The following MOB3B variants were observed in gnomAD, a reference collection of about 807,000 sequenced individuals.
MOB3B encodes the protein MOB kinase activator-like 2B.
MOB3B carries 7 observed loss-of-function variants against 18.7 expected under a neutral mutation model. The ratio of observed to expected loss-of-function variants is 0.37; its 90% CI spans 0.21 to 0.70. The LOEUF is 0.70. Ranked by LOEUF, MOB3B falls within the 30% of genes least tolerant of loss-of-function variation. MOB3B has a pLI of 0.52. For synonymous variants in MOB3B, 111 were observed against 99.9 expected (o/e 1.11, Z -0.66); for missense variants, 253 against 281.3 (o/e 0.90, Z 0.72).
chr9:27,331,783 A>T (rs1246943959), intron 3 of MOB3B, among the ~76,000 whole-genome samples: 1 of 152,180 alleles, frequency 6.6e-6, no homozygotes, highest in African/African-American at 2.4e-5. Flanking sequence ...CATCTCTTGC[A>T]TACTGACCTG....
At chr9:27,397,942 T>G (rs1563858667) in intron 2 of MOB3B, among the ~76,000 whole-genome samples, 1 of 152,214 alleles carries the variant, frequency 6.6e-6, no homozygotes, top group South Asian at 2.1e-4. Context: ...TCTCTAGACA[T>G]GGCCAGATGT....
chr9:27,479,305 C>A (rs1205430050), intron 1 of MOB3B, among the ~76,000 whole-genome samples: 1 of 152,146 alleles, frequency 6.6e-6, no homozygotes, highest in Non-Finnish European at 1.5e-5. Flanking sequence ...ACTCCTACTA[C>A]AATGAACTTA....
intron 1 of MOB3B, among the ~76,000 whole-genome samples, chr9:27,468,087 T>A (rs917784338): frequency 3.3e-5 from 5 of 152,212 alleles, no homozygotes; most frequent in African/African-American, 9.6e-5. Flanking sequence ...AGAACTCTGT[T>A]TAAGACATAA....
intron 2 of MOB3B, among the ~76,000 whole-genome samples, chr9:27,382,478 C>T (rs945968518): frequency 6.6e-6 from 1 of 152,078 alleles, no homozygotes; most frequent in Admixed American, 6.6e-5. Flanking sequence ...AGGGCCAATC[C>T]TTCTCCAACC....
intron 2 of MOB3B, among the ~76,000 whole-genome samples, chr9:27,368,449 G>A (rs922977934): frequency 3.3e-5 from 5 of 152,054 alleles, no homozygotes; most frequent in Non-Finnish European, 7.4e-5. Context: ...ATTCAGCTGC[G>A]AGGATTGATT....
At chr9:27,331,051 G>A (rs1056010058) in intron 3 of MOB3B, among the ~76,000 whole-genome samples, 2 of 152,172 alleles carry the variant, frequency 1.3e-5, no homozygotes, top group Non-Finnish European at 2.9e-5. Context: ...TTTTCTTCGA[G>A]TAGGGAAAGA....
At chr9:27,478,221 T>A (rs550410668) in intron 1 of MOB3B, among the ~76,000 whole-genome samples, 13 of 152,278 alleles carry the variant, frequency 8.5e-5, no homozygotes, top group Middle Eastern at 6.8e-3. Flanking sequence ...AATATTTTCA[T>A]AACTCAGGAC....
chr9:27,507,374 A>G (rs997042371), intron 1 of MOB3B, among the ~76,000 whole-genome samples: 13 of 152,096 alleles, frequency 8.5e-5, no homozygotes, highest in African/African-American at 3.1e-4. Context: ...TGTTATTGTC[A>G]TATTGTGCAC....
intron 3 of MOB3B, among the ~76,000 whole-genome samples, chr9:27,356,602 G>T (rs976609428): frequency 1.3e-5 from 2 of 152,152 alleles, no homozygotes; most frequent in Non-Finnish European, 2.9e-5. Context: ...CAGCTCTGTC[G>T]TGGTGTTTCT....
chr9:27,475,510 C>G (rs775154788), intron 1 of MOB3B, among the ~76,000 whole-genome samples: 2 of 152,230 alleles, frequency 1.3e-5, no homozygotes, highest in Non-Finnish European at 2.9e-5. Flanking sequence ...TCATTGATAA[C>G]TAGTATAATC....
At chr9:27,525,139 G>A (rs147054294) in intron 1 of MOB3B, among the ~76,000 whole-genome samples, 26 of 152,168 alleles carry the variant, frequency 1.7e-4, no homozygotes, top group African/African-American at 6.0e-4. Context: ...ACCATCCTCA[G>A]GGTGACCAAG....
intron 1 of MOB3B, among the ~76,000 whole-genome samples, chr9:27,474,426 G>C (rs979304501): frequency 6.6e-6 from 1 of 152,140 alleles, no homozygotes; most frequent in African/African-American, 2.4e-5. Context: ...CCTTATACCA[G>C]AGATTACTTT....
intron 1 of MOB3B, among the ~76,000 whole-genome samples, chr9:27,465,893 T>C (rs1819376271): frequency 6.6e-6 from 1 of 152,154 alleles, no homozygotes; most frequent in African/African-American, 2.4e-5. Context: ...ACGGGGATCC[T>C]GGGACCGGCC....
At chr9:27,416,085 G>A (rs1822142908) in intron 2 of MOB3B, among the ~76,000 whole-genome samples, 1 of 152,146 alleles carries the variant, frequency 6.6e-6, no homozygotes, top group African/African-American at 2.4e-5. Context: ...TGTATTTGGG[G>A]TTAATACAAT....
At chr9:27,460,333 A>G (rs971333883) in intron 1 of MOB3B, among the ~76,000 whole-genome samples, 29 of 152,352 alleles carry the variant, frequency 1.9e-4, no homozygotes, top group African/African-American at 6.0e-4. Context: ...TTTTCTGCCT[A>G]ATAGATCAAT....
intron 2 of MOB3B, among the ~76,000 whole-genome samples, chr9:27,409,598 T>C (rs1429908472): frequency 1.3e-5 from 2 of 151,986 alleles, no homozygotes; most frequent in East Asian, 3.9e-4. Context: ...CCCAAAGGAA[T>C]TGAAAAGCAA....
chr9:27,522,929 T>TATATATATA (rs60042853), intron 1 of MOB3B, among the ~76,000 whole-genome samples: 3 of 151,202 alleles, frequency 2.0e-5, no homozygotes, highest in African/African-American at 7.3e-5. Flanking sequence ...ATATATATAT[T>TATATATATA]TTTTTCCGTA....
intron 3 of MOB3B, among the ~76,000 whole-genome samples, chr9:27,343,337 C>CGGAA (rs1317844720): frequency 6.6e-6 from 1 of 151,344 alleles, no homozygotes; most frequent in Non-Finnish European, 1.5e-5. Flanking sequence ...ACAAACACTG[C>CGGAA]GGAAGGCCGC....
chr9:27,484,839 C>A (rs1269213889), intron 1 of MOB3B, among the ~76,000 whole-genome samples: 1 of 152,122 alleles, frequency 6.6e-6, no homozygotes, highest in Non-Finnish European at 1.5e-5. Flanking sequence ...ATGAGCTCAC[C>A]AGGGTACCAG....
Sources: allele counts gnomAD v4.1 joint callset (sites outside exome capture counted in the v4.1 genomes callset), GRCh38; gene constraint gnomAD v4.1.1; transcripts MANE v1.5; gene names NCBI Gene and HGNC (gene_info 2026-07-23, HGNC 2026-07-21).